Variants in TMEM132D observed in about 807,000 individuals in gnomAD.
TMEM132D encodes the protein transmembrane protein 132D.
In TMEM132D, 21 loss-of-function variants were observed where a neutral mutation model predicts 62.3. That is an observed-to-expected ratio of 0.34 (90% CI 0.24 to 0.49). The LOEUF (loss-of-function observed/expected upper bound fraction) is 0.49, where lower values mean the gene tolerates loss of function less well. TMEM132D is among the 20% of genes least tolerant of loss of function. The pLI is 0.99. For missense variants in TMEM132D, 1,346 were observed against 1,402.8 expected (o/e 0.96, Z 0.65); for synonymous variants, 621 against 575.6 (o/e 1.08, Z -1.13).
Position 129,548,767 on chromosome 12 carries a change from G to A in TMEM132D, c.969-17562C>T, listed in dbSNP as rs1042231984. ...CCCCTTCCAACCCAGGTGAATGGAT[G>A]TGTTGGACTGGCCAAGAAGAAAGTG... On this transcript the variant is annotated intron_variant, in intron 2 of 8. Coordinates refer to ENST00000422113, the MANE Select transcript of TMEM132D (RefSeq NM_133448.3). Among the ~76,000 whole-genome samples, 13 of 152,226 alleles carry A rather than the reference G, an allele frequency of 8.5e-5. No individual in the cohort carries two copies. In the East Asian group the frequency reaches 2.5e-3, roughly 29 times the overall value.
intron 2 of TMEM132D, among the ~76,000 whole-genome samples, chr12:129,555,535 G>A (rs189808777): frequency 9.2e-5 from 14 of 152,248 alleles, no homozygotes; most frequent in South Asian, 2.1e-4. Flanking sequence ...AATGACATTC[G>A]AAAGTCATCA....
intron 3 of TMEM132D, among the ~76,000 whole-genome samples, chr12:129,365,966 C>A (rs1242467429): frequency 1.3e-5 from 2 of 152,072 alleles, no homozygotes; most frequent in Non-Finnish European, 2.9e-5. Flanking sequence ...CCACACCTAC[C>A]GAGAGAGCAG....
At chr12:129,688,366 G>A (rs924693092) in intron 2 of TMEM132D, among the ~76,000 whole-genome samples, 6 of 152,114 alleles carry the variant, frequency 3.9e-5, no homozygotes, top group Non-Finnish European at 7.3e-5. Flanking sequence ...GAATCACTGC[G>A]AGAGCTTTTT....
intron 3 of TMEM132D, among the ~76,000 whole-genome samples, chr12:129,432,159 T>TTGGA (rs767215290): frequency 0.32 from 43,293 of 134,102 alleles, 6,766 homozygotes; most frequent in Admixed American, 0.37. Flanking sequence ...GGATGGATGC[T>TTGGA]TGGATGGATG....
intron 3 of TMEM132D, among the ~76,000 whole-genome samples, chr12:129,490,574 G>A (rs1374855083): frequency 1.4e-5 from 2 of 138,076 alleles, no homozygotes; most frequent in South Asian, 4.6e-4. Flanking sequence ...GACTACAGGC[G>A]CCCGCCCACC....
chr12:129,205,141 ACAGGATCAAATCTG>A (rs372147930), intron 5 of TMEM132D, among the ~76,000 whole-genome samples: 1,900 of 152,318 alleles, frequency 0.012, 41 homozygotes, highest in African/African-American at 0.042. Context: ...CAACATGAAG[ACAGGATCAAATCTG>A]CACATATCAA....
chr12:129,513,937 G>A lies in TMEM132D; in HGVS notation c.1115+17122C>T, dbSNP rs755624409. On this transcript the variant is annotated intron_variant, in intron 3 of 8. Transcript: ENST00000422113. ...ACTGCAAGCTCCGCCTCCCGGGTTT[G>A]TGCCATTCTCCTGCCTCAGCCTCCC... Among the ~76,000 whole-genome samples, 152 of 149,764 alleles carry A rather than the reference G, an allele frequency of 1.0e-3. 1 individual carries two copies. The Middle Eastern group carries it at 0.026, about 25-fold the overall frequency.
At chr12:129,568,770 T>C (rs902003255) in intron 2 of TMEM132D, among the ~76,000 whole-genome samples, 7 of 152,246 alleles carry the variant, frequency 4.6e-5, no homozygotes, top group Non-Finnish European at 1.0e-4. Flanking sequence ...TTGAATTTGC[T>C]TGGTTTTGTT....
At chr12:129,142,825 G>T (rs1876781578) in intron 5 of TMEM132D, among the ~76,000 whole-genome samples, 1 of 152,088 alleles carries the variant, frequency 6.6e-6, no homozygotes, top group Non-Finnish European at 1.5e-5. Flanking sequence ...TTTGGTGGAA[G>T]ATGGCTACCA....
intron 2 of TMEM132D, among the ~76,000 whole-genome samples, chr12:129,595,805 C>G (rs1400350236): frequency 1.3e-5 from 2 of 152,222 alleles, no homozygotes; most frequent in Admixed American, 1.3e-4. Context: ...GAAGAGCCAC[C>G]TCACTGAGCC....
chr12:129,718,757 T>C (rs879442332), intron 1 of TMEM132D, among the ~76,000 whole-genome samples: 1 of 152,220 alleles, frequency 6.6e-6, no homozygotes, highest in African/African-American at 2.4e-5. Flanking sequence ...GCTGTGTAGC[T>C]TGGGCAAATC....
At position 129,244,249 on chromosome 12, in the gene TMEM132D, G is replaced by A. The variant is rs570521494; in HGVS notation, c.1300-34586C>T. 3.7e-3 allele frequency among the ~76,000 whole-genome samples: 567 copies of A among 151,928 alleles called. 3 individuals are homozygous for A. The highest frequency in any genetic ancestry group is 0.013 in the African/African-American group (531 of 41,440). On this transcript the variant is annotated intron_variant, in intron 4 of 8. Transcript: ENST00000422113. ...AAATACAAAAAAATTAGCCGGGTGT[G>A]GTGGCGGGCGCCTGTAGTCCCAGCT...
Position 129,147,174 on chromosome 12 carries a change from G to GTA in TMEM132D, c.1443+62344_1443+62345dup, listed in dbSNP as rs566733247. Among the ~76,000 whole-genome samples the GTA allele has an allele frequency of 6.1e-3, 922 of 150,834 alleles. 9 individuals are homozygous for GTA. The highest frequency in any genetic ancestry group is 0.018 in the African/African-American group (728 of 41,044). On this transcript the variant is annotated intron_variant, in intron 5 of 8. Coordinates refer to ENST00000422113, the MANE Select transcript of TMEM132D (RefSeq NM_133448.3). ...TCTGTATGAGAGAATATGTGTGTGT[G>GTA]TATATATATACACATATATATTTAC...
chr12:129,174,588 A>T (rs1006968808), intron 5 of TMEM132D, among the ~76,000 whole-genome samples: 10 of 152,226 alleles, frequency 6.6e-5, no homozygotes, highest in Non-Finnish European at 4.4e-5. Context: ...ACTTGGGTAT[A>T]TACCCAGTAA....
chr12:129,361,441 A>C lies in TMEM132D; in HGVS notation c.1116-23624T>G, dbSNP rs1870245568. ...TCATCACAAAACTTTTAAAGCATAG[A>C]GAGCAGCTTTCCCTGCAGAAATAAA... is the stretch of plus-strand genomic sequence containing the variant. On this transcript the variant is annotated intron_variant, in intron 3 of 8. Coordinates refer to ENST00000422113, the MANE Select transcript of TMEM132D (RefSeq NM_133448.3). Among the ~76,000 whole-genome samples the C allele has an allele frequency of 3.3e-5, 5 of 152,312 alleles. No homozygotes were observed. The South Asian group carries it at 1.0e-3, about 32-fold the overall frequency.
chr12:129,181,639 C>G (rs547094966), intron 5 of TMEM132D, among the ~76,000 whole-genome samples: 2 of 152,294 alleles, frequency 1.3e-5, no homozygotes, highest in East Asian at 1.9e-4. Context: ...CACCCCAGCT[C>G]GAGACAAACC....
intron 1 of TMEM132D, among the ~76,000 whole-genome samples, chr12:129,748,525 G>A (rs1376473533): frequency 6.6e-6 from 1 of 152,150 alleles, no homozygotes; most frequent in Non-Finnish European, 1.5e-5. Flanking sequence ...AAGAGAAGCA[G>A]GGCTCATAGA....
chr12:129,172,842 T>G (rs1169006862), intron 5 of TMEM132D, among the ~76,000 whole-genome samples: 1 of 152,188 alleles, frequency 6.6e-6, no homozygotes, highest in African/African-American at 2.4e-5. Context: ...CCTCCCAAAG[T>G]GCTGGGATTA....
At chr12:129,334,723 G>A (rs570343549) in intron 4 of TMEM132D, among the ~76,000 whole-genome samples, 23 of 152,146 alleles carry the variant, frequency 1.5e-4, no homozygotes, top group African/African-American at 5.5e-4. Flanking sequence ...CTGAGTAGCT[G>A]GGACTACAGG....
Sources: gnomAD v4.1 joint callset for allele counts (sites outside exome capture counted in the v4.1 genomes callset) on GRCh38, gnomAD v4.1.1 for gene constraint, MANE v1.5 for transcripts, NCBI Gene and HGNC (gene_info 2026-07-23, HGNC 2026-07-21) for gene names.